Variants in SYNE1 observed in about 807,000 individuals in gnomAD.
SYNE1 encodes spectrin repeat containing nuclear envelope protein 1, also known as nesprin-1.
Under a neutral mutation model 1,111.0 loss-of-function variants are expected in SYNE1, and 616 were observed. The ratio of observed to expected loss-of-function variants is 0.55; its 90% CI spans 0.52 to 0.59. SYNE1 has a LOEUF of 0.59. Among genes scored for constraint, SYNE1 ranks in the 20% least tolerant of loss-of-function variants. The pLI, the probability that SYNE1 is intolerant of heterozygous loss-of-function variation, is 0.00. For missense variants in SYNE1, 10,006 were observed against 10,417.0 expected (o/e 0.96, Z 1.72); for synonymous variants, 3,855 against 3,825.8 (o/e 1.01, Z -0.28).
chr6:152,347,953 G>A (rs990967719), intron 72 of SYNE1, among the ~76,000 whole-genome samples: 1 of 151,562 alleles, frequency 6.6e-6, no homozygotes, highest in East Asian at 1.9e-4. Context: ...GCCTCCCAAA[G>A]TGCTTGGATT....
chr6:152,408,955 C>CA lies in SYNE1; in HGVS notation c.6540+112dup, dbSNP rs369206657. The CA allele has an allele frequency of 0.2, 169,460 of 860,298 alleles. 285 individuals carry two copies. The highest frequency in any genetic ancestry group is 0.2 in the Non-Finnish European group (121,487 of 598,530). The allele number at this position is 860,298 out of a possible 1,614,324, so 53.3% of individuals were successfully genotyped here. ...GGCAACAAGAGTGAAACTCTGTCTC[C>CA]AAAAAAAAAAAAAAAAGTGAAATTC... is the stretch of plus-strand genomic sequence containing the variant. On this transcript the variant is annotated intron_variant, in intron 44 of 145. Transcript: ENST00000367255.
chr6:152,340,005 T>C (rs1413309796), intron 74 of SYNE1, among the ~76,000 whole-genome samples: 5 of 151,906 alleles, frequency 3.3e-5, no homozygotes, highest in Admixed American at 2.6e-4. Context: ...TCCCAGGGAG[T>C]TGACATTCTT....
At chr6:152,417,455 A>G (rs1354962173) in intron 40 of SYNE1, among the ~76,000 whole-genome samples, 6 of 152,112 alleles carry the variant, frequency 3.9e-5, no homozygotes, top group Non-Finnish European at 7.4e-5. Context: ...CCAAGATTGC[A>G]CCACTGCACT....
At chr6:152,310,604 G>A in intron 88 of SYNE1, 84 bp downstream of exon 88, 4 of 1,610,080 alleles carry the variant, frequency 2.5e-6, no homozygotes, top group Non-Finnish European at 2.5e-6. Flanking sequence ...CACATCACAG[G>A]TGAGCACTAT....
chr6:152,606,978 C>CTTTTTTTTTTTTTTTTTTTTTTT (rs71017544), intron 3 of SYNE1, among the ~76,000 whole-genome samples: 1 of 62,210 alleles, frequency 1.6e-5, no homozygotes, highest in Non-Finnish European at 2.8e-5. Context: ...CCTCGGTTCT[C>CTTTTTTTTTTTTTTTTTTTTTTT]TTTTTTTTTT....
In SYNE1 at chr6:152,370,655, C is replaced by T. The variant is rs144834160; in HGVS notation, c.9508-1041G>A. The stretch of plus-strand genomic sequence containing the variant: ...TCTTACTTATAAAGTGGTAGGTGGA[C>T]GTGAATGTGAATTTGTTATTTATGT... On this transcript the variant is annotated intron_variant, in intron 59 of 145. Transcript: ENST00000367255. Among the ~76,000 whole-genome samples the T allele has an allele frequency of 2.0e-4, 31 of 152,126 alleles. No homozygotes were observed. The East Asian group carries it at 2.3e-3, about 11-fold the overall frequency.
intron 52 of SYNE1, 106 bp from the exon 53 acceptor site, chr6:152,390,558 C>T: frequency 8.5e-7 from 1 of 1,178,638 alleles, no homozygotes; most frequent in Non-Finnish European, 1.2e-6. Flanking sequence ...ACTTTACTTA[C>T]CTTAAAATGA....
At chr6:152,256,481 AG>A (rs1381499843) in intron 102 of SYNE1, among the ~76,000 whole-genome samples, 152 bp downstream of exon 102, 1 of 151,370 alleles carries the variant, frequency 6.6e-6, no homozygotes, top group Non-Finnish European at 1.5e-5. Context: ...ATGGGACTCC[AG>A]GGTCCAGTGA....
In SYNE1 at chr6:152,472,362, G is replaced by T; in HGVS notation, c.1402C>A (p.Arg468=). 1 of 1,613,944 alleles carries T rather than the reference G, an allele frequency of 6.2e-7. No homozygotes were observed. Among genetic ancestry groups the T allele is most frequent in the African/African-American group, 1.3e-5 (1 of 74,970 alleles). ...GGAATCCCGTTAACAGACCTGGTCC[G>T]GTAGATTTCATGGAATGCTCTTTTG... is the stretch of plus-strand genomic sequence containing the variant. ...AHKRAFHEIY[R]TRSVNGIPVP... is the part of the protein sequence containing the mutation. The change falls in exon 15 of 146, where the codon CGG becomes AGG. Residue 468 remains arginine (R), a synonymous_variant. Coordinates refer to ENST00000367255, the MANE Select transcript of SYNE1 (RefSeq NM_182961.4).
intron 29 of SYNE1, among the ~76,000 whole-genome samples, chr6:152,447,233 A>G (rs945350212): frequency 1.3e-5 from 2 of 152,352 alleles, no homozygotes; most frequent in African/African-American, 4.8e-5. Flanking sequence ...TATTTCAGAT[A>G]TAGGTCATGA....
intron 4 of SYNE1, among the ~76,000 whole-genome samples, chr6:152,532,580 C>G (rs767966378): frequency 4.6e-5 from 7 of 152,138 alleles, no homozygotes; most frequent in Non-Finnish European, 1.0e-4. Context: ...GTCAGGGTTG[C>G]TGAACAGGAT....
intron 56 of SYNE1, among the ~76,000 whole-genome samples, chr6:152,377,546 T>G (rs2097304437): frequency 7.3e-6 from 1 of 136,832 alleles, no homozygotes; most frequent in Non-Finnish European, 1.5e-5. Flanking sequence ...GAGGTGGAGG[T>G]TGCAGTGAGC....
At chr6:152,548,322 C>T (rs542064876) in intron 3 of SYNE1, among the ~76,000 whole-genome samples, 1 of 152,312 alleles carries the variant, frequency 6.6e-6, no homozygotes, top group South Asian at 2.1e-4. Flanking sequence ...AATCTTGAGC[C>T]ATCTCTTACC....
chr6:152,557,705 T>C (rs942938084), intron 3 of SYNE1, among the ~76,000 whole-genome samples: 1 of 152,110 alleles, frequency 6.6e-6, no homozygotes, highest in Non-Finnish European at 1.5e-5. Flanking sequence ...CCAATAATAC[T>C]ATATCCAGAA....
At chr6:152,165,945 A>C (rs1222331000) in intron 130 of SYNE1, among the ~76,000 whole-genome samples, 1 of 152,246 alleles carries the variant, frequency 6.6e-6, no homozygotes, top group Non-Finnish European at 1.5e-5. Flanking sequence ...AGAAGAGTTT[A>C]CCATCAATAA....
intron 131 of SYNE1, among the ~76,000 whole-genome samples, chr6:152,158,161 T>C (rs2061734954): frequency 6.6e-6 from 1 of 152,248 alleles, no homozygotes; most frequent in Non-Finnish European, 1.5e-5. Context: ...TTTAACTGTA[T>C]AAAATGTAAA....
chr6:152,394,056 T>A (rs1336846137), intron 51 of SYNE1, among the ~76,000 whole-genome samples: 2 of 152,178 alleles, frequency 1.3e-5, no homozygotes, highest in Non-Finnish European at 2.9e-5. Flanking sequence ...AACTCCCACT[T>A]ATGAGTGAGA....
At chr6:152,378,554 T>C (rs952732857) in intron 56 of SYNE1, among the ~76,000 whole-genome samples, 1 of 152,162 alleles carries the variant, frequency 6.6e-6, no homozygotes, top group African/African-American at 2.4e-5. Flanking sequence ...CACTTACATA[T>C]TCATTATTTC....
intron 3 of SYNE1, among the ~76,000 whole-genome samples, chr6:152,589,307 A>G (rs1222952979): frequency 1.3e-5 from 2 of 152,152 alleles, no homozygotes; most frequent in African/African-American, 4.8e-5. Flanking sequence ...ATTAGTTTTG[A>G]TTATCTGAGA....
Sources: gnomAD v4.1 joint callset for allele counts (sites outside exome capture counted in the v4.1 genomes callset) on GRCh38, gnomAD v4.1.1 for gene constraint, MANE v1.5 for transcripts, NCBI Gene and HGNC (gene_info 2026-07-23, HGNC 2026-07-21) for gene names.